Variants in MAGI1 observed in about 807,000 individuals in gnomAD.
MAGI1 encodes the protein membrane-associated guanylate kinase, WW and PDZ domain-containing protein 1.
In MAGI1, 58 loss-of-function variants were observed where a neutral mutation model predicts 139.9. The ratio of observed to expected loss-of-function variants is 0.41; its 90% CI spans 0.34 to 0.52. MAGI1 has a LOEUF of 0.52. Ranked by LOEUF, MAGI1 falls within the 20% of genes least tolerant of loss-of-function variation. The probability of loss-of-function intolerance (pLI) is 0.12; values close to 1 mark genes in which losing one functional copy is unlikely to be tolerated. For synonymous variants in MAGI1, 812 were observed against 737.9 expected, an observed-to-expected ratio of 1.10 and a Z score of -1.63; for missense variants, 1,874 against 1,901.6, an observed-to-expected ratio of 0.99 and a Z score of 0.27.
At position 65,794,433 on chromosome 3, in the gene MAGI1, C is replaced by T. The variant is rs143916529; in HGVS notation, c.314-172345G>A. On this transcript the variant is annotated intron_variant, in intron 1 of 22. Transcript: ENST00000402939. ...TCTCTTTATCCAGTGACTAAGACTG[C>T]GCCCAGCAGCCACTTCCCCAGCCCC... Among the ~76,000 whole-genome samples the T allele has an allele frequency of 2.0e-3, 299 of 152,266 alleles. 4 individuals carry two copies. The South Asian group carries it at 0.031, about 16-fold the overall frequency.
intron 2 of MAGI1, among the ~76,000 whole-genome samples, chr3:65,593,417 T>A (rs1359811750): frequency 6.6e-6 from 1 of 152,218 alleles, no homozygotes; most frequent in East Asian, 1.9e-4. Context: ...GGAAAGGAGA[T>A]TCTTTAATCA....
intron 1 of MAGI1, among the ~76,000 whole-genome samples, chr3:65,743,099 G>A (rs923441448): frequency 3.9e-5 from 6 of 152,012 alleles, no homozygotes; most frequent in African/African-American, 1.2e-4. Context: ...TGCTAGATAC[G>A]TCTAGGCATA....
At chr3:65,625,354 A>G (rs11918964) in intron 1 of MAGI1, among the ~76,000 whole-genome samples, 39,097 of 152,088 alleles carry the variant, frequency 0.26, 5,648 homozygotes, top group East Asian at 0.6. Context: ...GTGTGAGTCA[A>G]TGTTCAGGTT....
At chr3:65,629,561 CAAA>C (rs57784561) in intron 1 of MAGI1, among the ~76,000 whole-genome samples, 65 of 143,032 alleles carry the variant, frequency 4.5e-4, no homozygotes, top group African/African-American at 1.4e-3. Context: ...GCTATTACAG[CAAA>C]AAAAAAAAAA....
intron 1 of MAGI1, among the ~76,000 whole-genome samples, chr3:65,994,295 G>T (rs751383088): frequency 7.1e-5 from 10 of 141,290 alleles, no homozygotes; most frequent in Non-Finnish European, 1.5e-4. Context: ...AAAAAACACT[G>T]GTAAATGACT....
chr3:65,457,315 A>G (rs1372019903), intron 5 of MAGI1, among the ~76,000 whole-genome samples: 1 of 152,232 alleles, frequency 6.6e-6, no homozygotes. Context: ...GTATATATCA[A>G]TAATCAATTT....
chr3:65,722,430 C>A (rs72900239), intron 1 of MAGI1, among the ~76,000 whole-genome samples: 4,811 of 151,724 alleles, frequency 0.032, 219 homozygotes, highest in African/African-American at 0.1. Flanking sequence ...GCCCAGGAGT[C>A]CGAGATCAGC....
In MAGI1 at chr3:65,897,861, C is replaced by CA. The variant is rs372285768; in HGVS notation, c.313+140134dup. ...CTGAGCAACAGAGTAAAATCCTGTC[C>CA]AAAAAAAATAAAAAAAGAAAGAAAG... On this transcript the variant is annotated intron_variant, in intron 1 of 22. Transcript: ENST00000402939. Among the ~76,000 whole-genome samples, 64 of 138,952 alleles carry CA rather than the reference C, an allele frequency of 4.6e-4. 1 individual carries two copies. In the East Asian group the frequency reaches 5.8e-3, roughly 13 times the overall value. The allele number at this position is 138,952 out of a possible 152,430, so 91.2% of individuals were successfully genotyped here. A position where few individuals can be genotyped will look rare whatever the true frequency, so the allele number is the denominator to read the frequency against.
chr3:65,690,988 T>A (rs1479371857), intron 1 of MAGI1, among the ~76,000 whole-genome samples: 7 of 152,104 alleles, frequency 4.6e-5, no homozygotes, highest in Non-Finnish European at 7.4e-5. Flanking sequence ...GAGTATTTCT[T>A]AGGACACTGG....
intron 1 of MAGI1, among the ~76,000 whole-genome samples, chr3:65,837,261 C>T (rs1164486341): frequency 6.6e-6 from 1 of 152,220 alleles, no homozygotes; most frequent in Non-Finnish European, 1.5e-5. Context: ...GCCTGCCTGG[C>T]GCTGCCCACC....
intron 1 of MAGI1, among the ~76,000 whole-genome samples, chr3:65,842,941 T>C (rs868208781): frequency 2.0e-4 from 30 of 152,186 alleles, no homozygotes; most frequent in African/African-American, 6.5e-4. Context: ...CTCCTCACCA[T>C]AAATAAAATG....
rs1186326316 is a variant in MAGI1, at chr3:65,637,552, CAAAAAAAG to C, written c.314-15472_314-15465del. ...CTAGGTGACATTGAGACCCTGTCTC[CAAAAAAAG>C]AAAGAAAGAAAGAAAGAAAGAAAGA... On this transcript the variant is annotated intron_variant, in intron 1 of 22. Coordinates refer to ENST00000402939, the MANE Select transcript of MAGI1 (RefSeq NM_001033057.2). Among the ~76,000 whole-genome samples the C allele has an allele frequency of 2.2e-3, 194 of 87,856 alleles. 1 individual carries two copies. Among genetic ancestry groups the C allele is most frequent in the African/African-American group, 8.3e-3 (178 of 21,562 alleles). The allele number at this position is 87,856 out of a possible 152,430, so 57.6% of individuals were successfully genotyped here. A position where few individuals can be genotyped will look rare whatever the true frequency, so the allele number is the denominator to read the frequency against.
intron 2 of MAGI1, among the ~76,000 whole-genome samples, chr3:65,503,827 A>C (rs778341809): frequency 6.6e-6 from 1 of 152,198 alleles, no homozygotes; most frequent in Non-Finnish European, 1.5e-5. Flanking sequence ...CTCTATAGCT[A>C]TGACATGGGA....
intron 1 of MAGI1, among the ~76,000 whole-genome samples, chr3:65,983,040 C>A (rs1322825818): frequency 1.3e-5 from 2 of 152,164 alleles, no homozygotes; most frequent in Non-Finnish European, 2.9e-5. Context: ...CTGCAGCAGC[C>A]TTTTGAACAG....
intron 1 of MAGI1, among the ~76,000 whole-genome samples, chr3:66,023,865 G>A (rs1043048215): frequency 5.3e-5 from 8 of 152,102 alleles, no homozygotes; most frequent in African/African-American, 1.9e-4. Context: ...ATGTGACTTT[G>A]CACCCAGTTC....
At chr3:65,863,532 G>A (rs1438317702) in intron 1 of MAGI1, among the ~76,000 whole-genome samples, 1 of 152,176 alleles carries the variant, frequency 6.6e-6, no homozygotes, top group Non-Finnish European at 1.5e-5. Flanking sequence ...ATAAAAGTGA[G>A]ACCACTTCCT....
At chr3:65,880,248 GA>G (rs36113885) in intron 1 of MAGI1, among the ~76,000 whole-genome samples, 52,192 of 146,102 alleles carry the variant, frequency 0.36, 11,334 homozygotes, top group African/African-American at 0.62. Flanking sequence ...TCTCAAGAAA[GA>G]AAAAAAAAAA....
intron 1 of MAGI1, among the ~76,000 whole-genome samples, chr3:65,812,456 T>TCACA (rs1347889249): frequency 8.4e-5 from 9 of 106,804 alleles, no homozygotes; most frequent in African/African-American, 3.6e-4. Flanking sequence ...TCTCTCTCTC[T>TCACA]CTCTCTCTCT....
chr3:65,464,065 T>C (rs1009185642), intron 5 of MAGI1, among the ~76,000 whole-genome samples: 3 of 152,186 alleles, frequency 2.0e-5, no homozygotes, highest in African/African-American at 7.2e-5. Context: ...TCTTATTATC[T>C]TGAATGACTT....
Sources: gnomAD v4.1 joint callset for allele counts (sites outside exome capture counted in the v4.1 genomes callset) on GRCh38, gnomAD v4.1.1 for gene constraint, MANE v1.5 for transcripts, NCBI Gene and HGNC (gene_info 2026-07-23, HGNC 2026-07-21) for gene names.